The following DPYSL2 variants were observed in gnomAD, a reference collection of about 807,000 sequenced individuals.
DPYSL2 encodes dihydropyrimidinase-related protein 2.
DPYSL2 carries 13 observed loss-of-function variants against 69.9 expected under a neutral mutation model. The ratio of observed to expected loss-of-function variants is 0.19; its 90% CI spans 0.12 to 0.30. The LOEUF (loss-of-function observed/expected upper bound fraction) is 0.30. Ranked by LOEUF, DPYSL2 falls within the 10% of genes least tolerant of loss-of-function variation. DPYSL2 has a pLI of 1.00. For missense variants in DPYSL2, 587 were observed against 918.9 expected (o/e 0.64, Z 4.67); for synonymous variants, 326 against 359.1 (o/e 0.91, Z 1.04).
chr8:26,628,797 A>G (rs1408184571), intron 7 of DPYSL2, among the ~76,000 whole-genome samples: 2 of 152,202 alleles, frequency 1.3e-5, no homozygotes, highest in African/African-American at 4.8e-5. Context: ...AGGAGGCTCC[A>G]GAAGCCTGGG....
intron 1 of DPYSL2, among the ~76,000 whole-genome samples, chr8:26,534,436 G>A (rs1342505979): frequency 6.6e-6 from 1 of 151,968 alleles, no homozygotes; most frequent in African/African-American, 2.4e-5. Context: ...TAGGATTGTA[G>A]GCATAAGCCA....
chr8:26,537,692 TA>T (rs1471894351), intron 1 of DPYSL2, among the ~76,000 whole-genome samples: 1 of 151,822 alleles, frequency 6.6e-6, no homozygotes, highest in African/African-American at 2.4e-5. Flanking sequence ...CATTTCCCCT[TA>T]ATACTTCAGT....
rs577906352 is a variant in DPYSL2, at chr8:26,572,599, A to C, written c.355-9370A>C. Among the ~76,000 whole-genome samples the C allele has an allele frequency of 1.0e-3, 158 of 152,290 alleles. 1 individual carries two copies. Among genetic ancestry groups the C allele is most frequent in the Middle Eastern group, 3.4e-3 (1 of 294 alleles). On this transcript the variant is annotated intron_variant, in intron 1 of 13. Coordinates refer to ENST00000521913, the MANE Select transcript of DPYSL2 (RefSeq NM_001197293.3). ...ACTGCAACCTCCGTTTCCCAGGTTC[A>C]AGTGATTTTCCAGCCTCAGCCTCCT...
chr8:26,608,166 T>G (rs1342167258), intron 3 of DPYSL2, among the ~76,000 whole-genome samples: 2 of 152,144 alleles, frequency 1.3e-5, no homozygotes, highest in East Asian at 3.9e-4. Flanking sequence ...CATGATTTCA[T>G]TATGTCTGAT....
Position 26,588,366 on chromosome 8 carries a change from C to T in DPYSL2, c.628+4383C>T, listed in dbSNP as rs1332246546. Among the ~76,000 whole-genome samples, 1 of 152,184 alleles carries T rather than the reference C, an allele frequency of 6.6e-6. No individual in the cohort carries two copies. Among genetic ancestry groups the T allele is most frequent in the Non-Finnish European group, 1.5e-5 (1 of 68,040 alleles). The stretch of plus-strand genomic sequence containing the variant: ...GTCCCACCTTACCTGGTTAAAGTAG[C>T]AAATCTGCTGGTGGGGTCTGTGACT... On this transcript the variant is annotated intron_variant, in intron 3 of 13. Transcript: ENST00000521913. This position sits in a 1 kb window ranked among gnomAD's most constrained non-coding sequence, Gnocchi z 5.4.
chr8:26,599,273 C>T (rs1283422168), intron 3 of DPYSL2, among the ~76,000 whole-genome samples: 1 of 152,142 alleles, frequency 6.6e-6, no homozygotes, highest in African/African-American at 2.4e-5. Context: ...AACATTCCTG[C>T]CTTCTTGACA....
intron 1 of DPYSL2, among the ~76,000 whole-genome samples, chr8:26,563,643 C>A (rs778506660): frequency 3.3e-5 from 5 of 152,186 alleles, no homozygotes; most frequent in African/African-American, 1.2e-4. Flanking sequence ...GTCTAAAGTG[C>A]CTTTCCACCT....
rs1401101157 is a variant in DPYSL2, at chr8:26,641,138, A to C, written c.1127-2301A>C. ...TCCTTGTACTTAAGTTTCTAGAGGC[A>C]GGGCCGAGGAGCAGGCACAGGGAGA... On this transcript the variant is annotated intron_variant, in intron 8 of 13. Coordinates refer to ENST00000521913, the MANE Select transcript of DPYSL2 (RefSeq NM_001197293.3). This position sits in a 1 kb window ranked among gnomAD's most constrained non-coding sequence, Gnocchi z 4.1. 6.6e-6 allele frequency among the ~76,000 whole-genome samples: 1 copy of C among 152,228 alleles called. No individual in the cohort carries two copies. The highest frequency in any genetic ancestry group is 1.5e-5 in the Non-Finnish European group (1 of 68,044).
chr8:26,569,358 A>AAAC (rs1563390202), intron 1 of DPYSL2, among the ~76,000 whole-genome samples: 2 of 119,324 alleles, frequency 1.7e-5, no homozygotes, highest in Non-Finnish European at 1.7e-5. Context: ...TATCTCCAAA[A>AAAC]AAAAAACAAA....
rs1322521211 is a variant in DPYSL2, at chr8:26,588,947, G to T, written c.628+4964G>T. ...CCTTACCCACACAGATTTGACTTTT[G>T]TCACCTCTTCCTGGATTTTGGCCCT... On this transcript the variant is annotated intron_variant, in intron 3 of 13. Coordinates refer to ENST00000521913, the MANE Select transcript of DPYSL2 (RefSeq NM_001197293.3). This position sits in a 1 kb window ranked among gnomAD's most constrained non-coding sequence, Gnocchi z 5.4. Among the ~76,000 whole-genome samples, 2 of 152,076 alleles carry T rather than the reference G, an allele frequency of 1.3e-5. No individual in the cohort carries two copies. Among genetic ancestry groups the T allele is most frequent in the Admixed American group, 6.5e-5 (1 of 15,270 alleles).
At position 26,655,728 on chromosome 8, in the gene DPYSL2, A is replaced by G. The variant is rs1803371679; in HGVS notation, c.*22A>G. 6.4e-7 allele frequency: 1 copy of G among 1,558,206 alleles called. No individual in the cohort carries two copies. On this transcript the variant is annotated 3_prime_UTR_variant, in exon 14 of 14. Coordinates refer to ENST00000521913, the MANE Select transcript of DPYSL2 (RefSeq NM_001197293.3). ...CTAGAGCTCCTGGGCTGTGCCGTCCACTGGGGACTGGGGATGGGACACCTG... is the reference window on the plus strand; with the variant it reads ...CTAGAGCTCCTGGGCTGTGCCGTCCGCTGGGGACTGGGGATGGGACACCTG...
chr8:26,642,514 A>G lies in DPYSL2; in HGVS notation c.1127-925A>G, dbSNP rs1374842720. ...TGTCATGCGGAATGAATGGAGAGGTAGGAAGCGGGGTTGGGAGAGCAAACG... is the reference window on the plus strand; with the variant it reads ...TGTCATGCGGAATGAATGGAGAGGTGGGAAGCGGGGTTGGGAGAGCAAACG... On this transcript the variant is annotated intron_variant, in intron 8 of 13. Coordinates refer to ENST00000521913, the MANE Select transcript of DPYSL2 (RefSeq NM_001197293.3). The surrounding 1 kb of genome is among the most constrained non-coding windows in gnomAD (Gnocchi z 5.3). Among the ~76,000 whole-genome samples the G allele has an allele frequency of 2.0e-5, 3 of 152,200 alleles. No homozygotes were observed. Among genetic ancestry groups the G allele is most frequent in the African/African-American group, 7.2e-5 (3 of 41,454 alleles).
Position 26,657,229 on chromosome 8 carries a change from A to T in DPYSL2, c.*1523A>T, listed in dbSNP as rs1803413028. 6.6e-6 allele frequency: 1 copy of T among 152,626 alleles called. No homozygotes were observed. Among genetic ancestry groups the T allele is most frequent in the African/African-American group, 2.4e-5 (1 of 41,442 alleles). 9.5% of individuals were successfully genotyped at this position (152,626 alleles called of 1,614,324 possible). ...AACTCCTGTGGGGAGGAAACCTTATAAATTAAACACATGGCCCCCTTAGAG... is the reference window on the plus strand; with the variant it reads ...AACTCCTGTGGGGAGGAAACCTTATTAATTAAACACATGGCCCCCTTAGAG... On this transcript the variant is annotated 3_prime_UTR_variant, in exon 14 of 14. Transcript: ENST00000521913.
At chr8:26,518,602 TC>T (rs1808332230) in intron 1 of DPYSL2, among the ~76,000 whole-genome samples, 1 of 152,208 alleles carries the variant, frequency 6.6e-6, no homozygotes, top group African/African-American at 2.4e-5. Context: ...CACCAACTTC[TC>T]ATTCCACCTC....
At chr8:26,637,660 A>G (rs1802951002) in intron 8 of DPYSL2, 1 of 152,246 alleles carries the variant, frequency 6.6e-6, no homozygotes, top group South Asian at 2.1e-4. Flanking sequence ...ACCAAGAAGG[A>G]AAGCTCTGTA....
chr8:26,633,836 G>A (rs1802838246), intron 7 of DPYSL2, among the ~76,000 whole-genome samples: 1 of 152,240 alleles, frequency 6.6e-6, no homozygotes, highest in African/African-American at 2.4e-5. Context: ...TTGTGCTGAA[G>A]GTCGTACCAG....
intron 3 of DPYSL2, among the ~76,000 whole-genome samples, chr8:26,590,368 G>A (rs1231373999): frequency 6.6e-6 from 1 of 152,218 alleles, no homozygotes; most frequent in African/African-American, 2.4e-5. Context: ...AAGGACACGG[G>A]TGCCCTCTGC....
rs542997801 is a variant in DPYSL2, at chr8:26,591,614, G to A, written c.628+7631G>A. Reference sequence around the variant, plus strand: ...ATGATAGCTTTAGCATTGTTGTCCCGGGGCAACCCTTTCTCATGTGAAACC... The same window carrying A: ...ATGATAGCTTTAGCATTGTTGTCCCAGGGCAACCCTTTCTCATGTGAAACC... On this transcript the variant is annotated intron_variant, in intron 3 of 13. Transcript: ENST00000521913. The surrounding 1 kb of genome is among the most constrained non-coding windows in gnomAD (Gnocchi z 5.8). 8.5e-5 allele frequency among the ~76,000 whole-genome samples: 13 copies of A among 152,294 alleles called. No individual in the cohort carries two copies. Among genetic ancestry groups the A allele is most frequent in the Non-Finnish European group, 1.5e-4 (10 of 68,010 alleles).
rs763795100 is a variant in DPYSL2 at position 26,586,406 on chromosome 8, C to A, written c.628+2423C>A. Among the ~76,000 whole-genome samples the A allele has an allele frequency of 5.3e-5, 8 of 152,202 alleles. No homozygotes were observed. The highest frequency in any genetic ancestry group is 1.9e-4 in the African/African-American group (8 of 41,434). Reference sequence around the variant, plus strand: ...TCAAGTACATGTTGCTCAGCAGATACAGAAAGTCCCTGTTTTCTCTCACAC... The same window carrying A: ...TCAAGTACATGTTGCTCAGCAGATAAAGAAAGTCCCTGTTTTCTCTCACAC... On this transcript the variant is annotated intron_variant, in intron 3 of 13. Transcript: ENST00000521913. The surrounding 1 kb of genome is among the most constrained non-coding windows in gnomAD (Gnocchi z 4.7).
Sources: gnomAD v4.1 joint callset for allele counts (sites outside exome capture counted in the v4.1 genomes callset) on GRCh38, gnomAD v4.1.1 for gene constraint, Gnocchi (gnomAD v3.1) non-coding constraint, MANE v1.5 for transcripts, NCBI Gene and HGNC (gene_info 2026-07-23, HGNC 2026-07-21) for gene names.